ARHGAP10: variants seen among roughly 807,000 people sequenced by gnomAD.
ARHGAP10 encodes the protein rho GTPase-activating protein 10.
Under a neutral mutation model 108.6 loss-of-function variants are expected in ARHGAP10, and 87 were observed. That is an observed-to-expected ratio of 0.80 (90% CI 0.67 to 0.96). The LOEUF (loss-of-function observed/expected upper bound fraction) is 0.96. Among genes scored for constraint, ARHGAP10 ranks in the 40% least tolerant of loss-of-function variants. ARHGAP10 has a pLI of 0.00. For synonymous variants in ARHGAP10, 347 were observed against 341.1 expected, an observed-to-expected ratio of 1.02 and a Z score of -0.19; for missense variants, 939 against 954.5, an observed-to-expected ratio of 0.98 and a Z score of 0.21.
At chr4:147,858,164 A>C (rs1734170035) in intron 5 of ARHGAP10, 1 of 151,974 alleles carries the variant, frequency 6.6e-6, no homozygotes, top group African/African-American at 2.4e-5. Context: ...GTAAGCAGGA[A>C]GGAATTTATA....
chr4:147,796,766 C>T (rs1731334561), intron 1 of ARHGAP10, among the ~76,000 whole-genome samples: 1 of 152,156 alleles, frequency 6.6e-6, no homozygotes, highest in Non-Finnish European at 1.5e-5. Flanking sequence ...ACCTTGTGAT[C>T]CACCCGCCTT....
In ARHGAP10 at chr4:147,913,117, C is replaced by T; in HGVS notation, c.1206C>T (p.Cys402=). The T allele has an allele frequency of 1.2e-6, 2 of 1,613,854 alleles. No individual in the cohort carries two copies. Among genetic ancestry groups the T allele is most frequent in the South Asian group, 2.2e-5 (2 of 91,068 alleles). ...TGGGGTTCACAATTATCAGAAAATG[C>T]ATCAGTGCCGTTGAAACACGAGGTA... is the stretch of plus-strand genomic sequence containing the variant. ...DKMGFTIIRK[C]ISAVETRGIN... Residue 402 remains cysteine (C), a synonymous_variant, in exon 13 of 23, where the codon TGC becomes TGT. Coordinates refer to ENST00000336498, the MANE Select transcript of ARHGAP10 (RefSeq NM_024605.4).
At chr4:148,067,691 A>G (rs894632678) in intron 22 of ARHGAP10, among the ~76,000 whole-genome samples, 1 of 152,226 alleles carries the variant, frequency 6.6e-6, no homozygotes, top group Non-Finnish European at 1.5e-5. Flanking sequence ...AAATTGGTTT[A>G]TGCCACCCAG....
intron 18 of ARHGAP10, among the ~76,000 whole-genome samples, chr4:148,014,982 G>T (rs1168447466): frequency 6.6e-6 from 1 of 152,154 alleles, no homozygotes; most frequent in Non-Finnish European, 1.5e-5. Context: ...AGCTTATGCT[G>T]AGTCAGGGCC....
At chr4:147,781,681 C>CTTTTTT (rs56781517) in intron 1 of ARHGAP10, among the ~76,000 whole-genome samples, 24 of 130,558 alleles carry the variant, frequency 1.8e-4, no homozygotes, top group East Asian at 4.4e-4. Flanking sequence ...CTTTTCTTTT[C>CTTTTTT]TTTTTTTTTT....
intron 19 of ARHGAP10, among the ~76,000 whole-genome samples, chr4:148,044,170 G>A (rs1728774681): frequency 6.6e-6 from 1 of 152,138 alleles, no homozygotes; most frequent in African/African-American, 2.4e-5. Context: ...GATTTAATAT[G>A]TTGAATGACA....
rs891137904 is a variant in ARHGAP10, at chr4:147,909,762, C to A, written c.1147C>A (p.Pro383Thr). 1.7e-5 allele frequency: 28 copies of A among 1,611,522 alleles called. No individual in the cohort carries two copies. Among genetic ancestry groups the A allele is most frequent in the Non-Finnish European group, 2.3e-5 (27 of 1,177,758 alleles). Residue 383 changes from proline (P) to threonine (T), a missense_variant, in exon 12 of 23, where the codon CCA becomes ACA. Physicochemically the swap from Pro to Thr is conservative, Grantham distance 38 (BLOSUM62 -1). Coordinates refer to ENST00000336498, the MANE Select transcript of ARHGAP10 (RefSeq NM_024605.4). ...LSHSFNTAIIPRPEGNAQLDK... is the reference protein window; with the variant it reads ...LSHSFNTAIITRPEGNAQLDK... ...CCATAGTTTTAATACAGCCATCATC[C>A]CAAGACCAGAAGGAAGTAAGTGCTC...
intron 1 of ARHGAP10, among the ~76,000 whole-genome samples, chr4:147,810,887 G>C (rs1367817511): frequency 2.0e-5 from 3 of 151,914 alleles, no homozygotes; most frequent in Admixed American, 2.0e-4. Flanking sequence ...CATCTACTCT[G>C]TGCCTCATTT....
chr4:147,977,402 A>T (rs912868476), intron 18 of ARHGAP10, among the ~76,000 whole-genome samples: 2 of 152,158 alleles, frequency 1.3e-5, no homozygotes, highest in African/African-American at 2.4e-5. Context: ...GCTAGTGCTC[A>T]CTATGTATTT....
chr4:147,967,243 T>G (rs907658004), intron 18 of ARHGAP10, among the ~76,000 whole-genome samples: 1 of 152,312 alleles, frequency 6.6e-6, no homozygotes, highest in South Asian at 2.1e-4. Flanking sequence ...CAAATAAGGT[T>G]GAAGGGATGT....
intron 13 of ARHGAP10, among the ~76,000 whole-genome samples, chr4:147,919,897 A>G (rs758092894): frequency 1.3e-5 from 2 of 152,102 alleles, no homozygotes; most frequent in Admixed American, 6.6e-5. Flanking sequence ...TGTTGATGCC[A>G]GGCTCTCATA....
chr4:147,853,560 T>G (rs1733962496), intron 4 of ARHGAP10, among the ~76,000 whole-genome samples: 1 of 152,242 alleles, frequency 6.6e-6, no homozygotes, highest in Admixed American at 6.5e-5. Context: ...CAATTATGTT[T>G]AAACTTTTAT....
intron 1 of ARHGAP10, among the ~76,000 whole-genome samples, chr4:147,755,988 A>ATT (rs1451717769): frequency 6.7e-6 from 1 of 149,824 alleles, no homozygotes; most frequent in African/African-American, 2.4e-5. Context: ...CCTGTTGGTA[A>ATT]TTTTTTTTTT....
intron 18 of ARHGAP10, among the ~76,000 whole-genome samples, chr4:148,009,122 A>C (rs1560872906): frequency 1.3e-5 from 2 of 151,736 alleles, no homozygotes; most frequent in Non-Finnish European, 2.9e-5. Context: ...GATCCTCAAT[A>C]CTTCTCTTTT....
At chr4:147,830,220 C>G (rs1207043871) in intron 3 of ARHGAP10, among the ~76,000 whole-genome samples, 1 of 152,208 alleles carries the variant, frequency 6.6e-6, no homozygotes, top group Non-Finnish European at 1.5e-5. Flanking sequence ...GGGATCACTT[C>G]CTGGGTGACC....
intron 19 of ARHGAP10, among the ~76,000 whole-genome samples, chr4:148,032,508 TATC>T (rs1317428984): frequency 5.9e-5 from 9 of 152,156 alleles, no homozygotes; most frequent in Admixed American, 3.3e-4. Flanking sequence ...CATGATTGAA[TATC>T]ATCATTTTTA....
At chr4:147,782,181 G>C (rs192664171) in intron 1 of ARHGAP10, among the ~76,000 whole-genome samples, 1 of 152,288 alleles carries the variant, frequency 6.6e-6, no homozygotes, top group African/African-American at 2.4e-5. Flanking sequence ...TTTAATTGTG[G>C]TGGGTGTGTG....
rs756887918 is a variant in ARHGAP10, at chr4:147,906,603, A to G, written c.1035-35A>G. On this transcript the variant is annotated intron_variant, in intron 10 of 22. Coordinates refer to ENST00000336498, the MANE Select transcript of ARHGAP10 (RefSeq NM_024605.4). ...AGGAAAAACTTGCCTTTTAGTGGCC[A>G]AGGGGTAACCTGATATGTTACTGGT... is the stretch of plus-strand genomic sequence containing the variant. The G allele has an allele frequency of 5.6e-6, 9 of 1,606,796 alleles. No homozygotes were observed. In the Admixed American group the frequency reaches 1.3e-4, roughly 24 times the overall value.
chr4:147,946,525 C>A lies in ARHGAP10; in HGVS notation c.1304-92C>A, dbSNP rs1443525980. ...TAGGAAACTGCAGGATTGTGGTTTG[C>A]CCATTTAAAAATGGAAGCTTTGTGA... On this transcript the variant is annotated intron_variant, in intron 14 of 22. Coordinates refer to ENST00000336498, the MANE Select transcript of ARHGAP10 (RefSeq NM_024605.4). 3 of 971,262 alleles carry A rather than the reference C, an allele frequency of 3.1e-6. No individual in the cohort carries two copies. The Admixed American group carries it at 7.3e-5, about 24-fold the overall frequency. The allele number at this position is 971,262 out of a possible 1,614,324, so 60.2% of individuals were successfully genotyped here. A position where few individuals can be genotyped will look rare whatever the true frequency, so the allele number is the denominator to read the frequency against.
Sources: allele counts gnomAD v4.1 joint callset (sites outside exome capture counted in the v4.1 genomes callset), GRCh38; gene constraint gnomAD v4.1.1; transcripts MANE v1.5; gene names NCBI Gene and HGNC (gene_info 2026-07-23, HGNC 2026-07-21).